Variants in LRBA observed in about 807,000 individuals in gnomAD.
LRBA encodes the protein lipopolysaccharide-responsive and beige-like anchor protein.
LRBA carries 176 observed loss-of-function variants against 330.0 expected under a neutral mutation model. That is an observed-to-expected ratio of 0.53 (90% CI 0.47 to 0.60). The LOEUF (loss-of-function observed/expected upper bound fraction) is 0.60. LRBA is among the 20% of genes least tolerant of loss of function. LRBA has a pLI of 0.00. For synonymous variants in LRBA, 1,230 were observed against 1,193.0 expected, an observed-to-expected ratio of 1.03 and a Z score of -0.64; for missense variants, 3,259 against 3,444.8, an observed-to-expected ratio of 0.95 and a Z score of 1.35.
intron 17 of LRBA, among the ~76,000 whole-genome samples, chr4:150,889,414 G>A (rs974266153): frequency 5.9e-5 from 9 of 152,062 alleles, no homozygotes; most frequent in South Asian, 2.1e-4. Flanking sequence ...AGGCCAAGGC[G>A]GGCAGATCAT....
At position 150,958,387 on chromosome 4, in the gene LRBA, T is replaced by G. The variant is rs1010135731; in HGVS notation, c.217-29322A>C. On this transcript the variant is annotated intron_variant, in intron 2 of 56. Transcript: ENST00000651943. ...GCCACAGCTGGGATGCAGGGCACAA[T>G]GTCCCCAGACTGCACAAAGCTGCAA... Among the ~76,000 whole-genome samples, 2 of 148,952 alleles carry G rather than the reference T, an allele frequency of 1.3e-5. 1 individual carries two copies. Among genetic ancestry groups the G allele is most frequent in the African/African-American group, 5.2e-5 (2 of 38,402 alleles).
intron 30 of LRBA, among the ~76,000 whole-genome samples, chr4:150,827,152 A>G (rs1275119233): frequency 1.3e-5 from 2 of 152,200 alleles, no homozygotes; most frequent in Admixed American, 6.5e-5. Context: ...AACCACTATT[A>G]GATGAGGAAG....
chr4:150,643,466 C>T (rs1245603792), intron 37 of LRBA, among the ~76,000 whole-genome samples: 2 of 151,906 alleles, frequency 1.3e-5, no homozygotes, highest in Non-Finnish European at 2.9e-5. Context: ...GCAAAGATGA[C>T]ATGTGAGTAA....
At position 150,919,831 on chromosome 4, in the gene LRBA, C is replaced by T. The variant is rs552296335; in HGVS notation, c.645+1367G>A. ...ATCTATTCTCTTCAAGTTTCAAAAGCTGTTCAGCTCACCTGCCCTACTTTC... is the reference window on the plus strand; with the variant it reads ...ATCTATTCTCTTCAAGTTTCAAAAGTTGTTCAGCTCACCTGCCCTACTTTC... On this transcript the variant is annotated intron_variant, in intron 5 of 56. Coordinates refer to ENST00000651943, the MANE Select transcript of LRBA (RefSeq NM_001364905.1). Among the ~76,000 whole-genome samples, 175 of 152,326 alleles carry T rather than the reference C, an allele frequency of 1.1e-3. 1 individual carries two copies. The highest frequency in any genetic ancestry group is 3.9e-3 in the African/African-American group (162 of 41,580).
chr4:150,559,929 T>A (rs1164199315), intron 40 of LRBA, among the ~76,000 whole-genome samples: 1 of 97,446 alleles, frequency 1.0e-5, no homozygotes. Flanking sequence ...TAAATATAAA[T>A]ATATATATAT....
intron 40 of LRBA, among the ~76,000 whole-genome samples, chr4:150,491,675 G>A (rs1758967605): frequency 6.6e-6 from 1 of 152,092 alleles, no homozygotes; most frequent in Non-Finnish European, 1.5e-5. Context: ...GGTTGTCAGA[G>A]TAACTTGTTA....
intron 42 of LRBA, among the ~76,000 whole-genome samples, chr4:150,475,020 TG>T (rs1756557446): frequency 6.6e-6 from 1 of 152,188 alleles, no homozygotes; most frequent in Admixed American, 6.6e-5. Flanking sequence ...TTTGGTCAAA[TG>T]CTTTTTTCTG....
chr4:150,692,475 CT>C lies in LRBA; in HGVS notation c.5755-8759del, dbSNP rs570937036. ...GCGCAAGCAATCCACTCACCTCGGC[CT>C]CCCAAAGTGCTGGGATTACAGGCAT... On this transcript the variant is annotated intron_variant, in intron 36 of 56. Transcript: ENST00000651943. Among the ~76,000 whole-genome samples the C allele has an allele frequency of 2.8e-3, 421 of 152,270 alleles. 2 individuals are homozygous for C. The highest frequency in any genetic ancestry group is 7.1e-3 in the African/African-American group (293 of 41,546).
At chr4:150,572,624 T>C (rs1449956465) in intron 40 of LRBA, among the ~76,000 whole-genome samples, 1 of 152,086 alleles carries the variant, frequency 6.6e-6, no homozygotes, top group African/African-American at 2.4e-5. Flanking sequence ...AGTTACAATA[T>C]AATTACTGAC....
intron 47 of LRBA, among the ~76,000 whole-genome samples, chr4:150,357,665 T>A (rs12643570): frequency 0.62 from 91,453 of 146,482 alleles, 28,252 homozygotes; most frequent in Non-Finnish European, 0.69. Context: ...TTTTTTTTTT[T>A]AAAAAAAACC....
chr4:150,798,018 C>T, intron 34 of LRBA, 63 bp downstream of exon 34: 2 of 1,060,138 alleles, frequency 1.9e-6, no homozygotes, highest in Non-Finnish European at 2.9e-6. Flanking sequence ...ATATAAAATC[C>T]CCCATGAAAA....
At chr4:150,906,087 T>C in intron 12 of LRBA, 97 bp from the exon 13 acceptor site, 8 of 1,051,918 alleles carry the variant, frequency 7.6e-6, no homozygotes, top group Middle Eastern at 2.2e-4. Flanking sequence ...CCACAAATTA[T>C]GCTCAAAGTT....
chr4:150,930,966 T>A (rs1374956020), intron 2 of LRBA, among the ~76,000 whole-genome samples: 1 of 152,234 alleles, frequency 6.6e-6, no homozygotes, highest in Non-Finnish European at 1.5e-5. Context: ...CTATAAGCTA[T>A]CTATTATACT....
chr4:150,785,759 AG>A (rs1222633471), intron 34 of LRBA, among the ~76,000 whole-genome samples: 2 of 152,246 alleles, frequency 1.3e-5, no homozygotes, highest in East Asian at 3.8e-4. Context: ...CTACTATAAA[AG>A]TATTTCTCAA....
chr4:150,521,027 A>C (rs753600940), intron 40 of LRBA, among the ~76,000 whole-genome samples: 23 of 152,188 alleles, frequency 1.5e-4, no homozygotes, highest in Non-Finnish European at 2.9e-4. Context: ...TTGTTCATTT[A>C]ATCTAAATTG....
intron 37 of LRBA, among the ~76,000 whole-genome samples, chr4:150,637,220 A>G (rs907004580): frequency 6.6e-6 from 1 of 152,156 alleles, no homozygotes; most frequent in Non-Finnish European, 1.5e-5. Flanking sequence ...ACAGTGGTAC[A>G]TTGGCAAGTA....
At chr4:150,402,735 A>G (rs1446494883) in intron 47 of LRBA, among the ~76,000 whole-genome samples, 1 of 151,960 alleles carries the variant, frequency 6.6e-6, no homozygotes, top group Non-Finnish European at 1.5e-5. Context: ...ATTTATCCTA[A>G]AGTTTCTCTA....
At chr4:150,915,760 G>A in intron 7 of LRBA, 33 bp from the exon 8 acceptor site, 2 of 1,558,446 alleles carry the variant, frequency 1.3e-6, no homozygotes, top group Non-Finnish European at 1.7e-6. Flanking sequence ...AAAATACAAA[G>A]ATAACAATTA....
chr4:150,835,655 TC>T (rs1747928929), intron 28 of LRBA, among the ~76,000 whole-genome samples: 1 of 152,226 alleles, frequency 6.6e-6, no homozygotes, highest in Non-Finnish European at 1.5e-5. Context: ...TGATTTTGTA[TC>T]CTGAGACTTT....
Sources: gnomAD v4.1 joint callset for allele counts (sites outside exome capture counted in the v4.1 genomes callset) on GRCh38, gnomAD v4.1.1 for gene constraint, MANE v1.5 for transcripts, NCBI Gene and HGNC (gene_info 2026-07-23, HGNC 2026-07-21) for gene names.